The following VPS54 variants were observed in gnomAD, a reference collection of about 807,000 sequenced individuals.
VPS54 encodes vacuolar protein sorting-associated protein 54.
A neutral mutation model predicts 121.5 loss-of-function variants in VPS54; 45 were observed. That is an observed-to-expected ratio of 0.37 (90% CI 0.29 to 0.47). The LOEUF (loss-of-function observed/expected upper bound fraction) is 0.47, where lower values mean the gene tolerates loss of function less well. Ranked by LOEUF, VPS54 falls within the 20% of genes least tolerant of loss-of-function variation. The probability of loss-of-function intolerance (pLI) is 0.99; values close to 1 mark genes in which losing one functional copy is unlikely to be tolerated. For missense variants in VPS54, 1,090 were observed against 1,131.4 expected (o/e 0.96, Z 0.52); for synonymous variants, 371 against 385.8 (o/e 0.96, Z 0.45).
At chr2:63,970,940 C>T (rs1031466679) in intron 4 of VPS54, among the ~76,000 whole-genome samples, 3 of 152,212 alleles carry the variant, frequency 2.0e-5, no homozygotes, top group African/African-American at 7.2e-5. Flanking sequence ...CATCTTCAGC[C>T]TAAATCTTCA....
chr2:63,960,054 G>A (rs1032221076), intron 7 of VPS54, among the ~76,000 whole-genome samples: 2 of 151,700 alleles, frequency 1.3e-5, no homozygotes, highest in African/African-American at 4.8e-5. Flanking sequence ...AAAATTAGCT[G>A]GGCATGGTGG....
rs911953338 is a variant in VPS54, at chr2:64,013,631, T to C, written c.-21+5307A>G. Among the ~76,000 whole-genome samples, 12 of 145,900 alleles carry C rather than the reference T, an allele frequency of 8.2e-5. No individual in the cohort carries two copies. In the Admixed American group the frequency reaches 8.3e-4, roughly 10 times the overall value. On this transcript the variant is annotated intron_variant, in intron 1 of 22. Coordinates refer to ENST00000272322, the MANE Select transcript of VPS54 (RefSeq NM_016516.3). ...TATGATATATATCAGCATTTATATA[T>C]AAATATATATCAATATATAGATATA...
chr2:63,900,491 A>G (rs185665017), intron 20 of VPS54, among the ~76,000 whole-genome samples: 1 of 152,348 alleles, frequency 6.6e-6, no homozygotes, highest in East Asian at 1.9e-4. Flanking sequence ...GAATTCACAC[A>G]GCTGAAGTTA....
chr2:63,994,519 G>A (rs995898039), intron 1 of VPS54, among the ~76,000 whole-genome samples: 4 of 152,194 alleles, frequency 2.6e-5, no homozygotes, highest in African/African-American at 7.2e-5. Flanking sequence ...TCAGGAAAAG[G>A]CGGCACTGCA....
chr2:64,017,184 T>G (rs1678743556), intron 1 of VPS54, among the ~76,000 whole-genome samples: 2 of 151,290 alleles, frequency 1.3e-5, no homozygotes, highest in African/African-American at 4.8e-5. Flanking sequence ...CTACTAAAAA[T>G]ACAAAAATCA....
chr2:64,004,117 T>A (rs140048666), intron 1 of VPS54, among the ~76,000 whole-genome samples: 166 of 152,096 alleles, frequency 1.1e-3, no homozygotes, highest in Middle Eastern at 0.01. Context: ...CATATTTTTT[T>A]AAAAGTAATA....
chr2:63,921,292 G>A lies in VPS54; in HGVS notation c.1783C>T (p.Leu595=). The A allele has an allele frequency of 6.2e-7, 1 of 1,613,102 alleles. No individual in the cohort carries two copies. Among genetic ancestry groups the A allele is most frequent in the Non-Finnish European group, 8.5e-7 (1 of 1,179,454 alleles). The change falls in exon 13 of 23, where the codon CTG becomes TTG. Residue 595 remains leucine (L), a synonymous_variant. Transcript: ENST00000272322. ...MKLTDSELGK[L]ANNIQELLYS... ...AATAATTCCTGGATATTATTTGCCA[G>A]CTTTCCTAGCTCTGAGTCAGTTAAT... is the stretch of plus-strand genomic sequence containing the variant.
At chr2:63,967,401 A>G (rs998002575) in intron 5 of VPS54, among the ~76,000 whole-genome samples, 3 of 152,112 alleles carry the variant, frequency 2.0e-5, no homozygotes, top group Non-Finnish European at 4.4e-5. Flanking sequence ...ATGAAGCTTC[A>G]ATCCAAGGGA....
Position 63,949,165 on chromosome 2 carries a change from TA to T in VPS54, c.1011-3del. The T allele has an allele frequency of 6.2e-7, 1 of 1,602,464 alleles. No homozygotes were observed. On this transcript the variant is annotated splice_region_variant and splice_polypyrimidine_tract_variant and intron_variant, in intron 7 of 22. Transcript: ENST00000272322. The stretch of plus-strand genomic sequence containing the variant: ...TCACAAAGCTGTGATCCCAAATGCC[TA>T]AAAAGGAAGAGAAAAATGTTATATT...
At chr2:63,941,150 AAT>A (rs759970181) in intron 11 of VPS54, among the ~76,000 whole-genome samples, 16 of 152,220 alleles carry the variant, frequency 1.1e-4, no homozygotes, top group Non-Finnish European at 2.1e-4. Context: ...TAACTCAAAA[AAT>A]ATCTAATTTC....
At chr2:63,916,850 T>A in intron 16 of VPS54, 50 bp downstream of exon 16, 1 of 1,568,644 alleles carries the variant, frequency 6.4e-7, no homozygotes, top group Non-Finnish European at 8.8e-7. Context: ...ACTAGAAGAC[T>A]TGTGTTTTAA....
rs56820620 is a variant in VPS54, at chr2:63,967,718, C to CAAAAAAA, written c.492+1232_492+1238dup. Among the ~76,000 whole-genome samples the CAAAAAAA allele has an allele frequency of 1.1e-4, 6 of 52,992 alleles. 1 individual carries two copies. Among genetic ancestry groups the CAAAAAAA allele is most frequent in the African/African-American group, 2.4e-4 (3 of 12,532 alleles). The allele number at this position is 52,992 out of a possible 152,430, so 34.8% of individuals were successfully genotyped here. A position where few individuals can be genotyped will look rare whatever the true frequency, so the allele number is the denominator to read the frequency against. The stretch of plus-strand genomic sequence containing the variant: ...TGGGCGACAGAGAGAGACTCTGCCT[C>CAAAAAAA]AAAAAAAAAAAAAAAAATCTTATAA... On this transcript the variant is annotated intron_variant, in intron 5 of 22. Coordinates refer to ENST00000272322, the MANE Select transcript of VPS54 (RefSeq NM_016516.3).
chr2:63,970,527 T>C (rs779475620), intron 4 of VPS54, among the ~76,000 whole-genome samples: 1 of 152,006 alleles, frequency 6.6e-6, no homozygotes, highest in Non-Finnish European at 1.5e-5. Flanking sequence ...CACTCCTTAA[T>C]ATATAGTATT....
At chr2:63,970,212 T>C (rs12996698) in intron 4 of VPS54, among the ~76,000 whole-genome samples, 35,733 of 113,448 alleles carry the variant, frequency 0.31, 5,624 homozygotes, top group Admixed American at 0.34. Flanking sequence ...AATATATATA[T>C]ACACACACAC....
chr2:63,929,352 T>C (rs1196987390), intron 12 of VPS54, among the ~76,000 whole-genome samples: 1 of 152,086 alleles, frequency 6.6e-6, no homozygotes, highest in East Asian at 1.9e-4. Context: ...GAACTCAGGA[T>C]TAAGAATCTC....
intron 11 of VPS54, among the ~76,000 whole-genome samples, chr2:63,938,037 CGTGTGTGTGTGTGGTGTGTGTGGTGTGT>C (rs1674533131): frequency 1.0e-5 from 1 of 97,724 alleles, no homozygotes; most frequent in Non-Finnish European, 2.3e-5. Flanking sequence ...AAAGTGGAAA[CGTGTGTGTGTGTGGTGTGTGTGGTGTGT>C]GTGTGTGTGT....
intron 6 of VPS54, among the ~76,000 whole-genome samples, chr2:63,964,260 A>T (rs1269054832): frequency 1.3e-5 from 2 of 152,196 alleles, no homozygotes; most frequent in African/African-American, 4.8e-5. Flanking sequence ...AATAAAAAAA[A>T]TTTCCATTAT....
chr2:63,980,469 C>A (rs954909839), intron 3 of VPS54, among the ~76,000 whole-genome samples: 3 of 152,014 alleles, frequency 2.0e-5, no homozygotes, highest in African/African-American at 7.2e-5. Context: ...AGATTATCAT[C>A]TTGAAATTTA....
chr2:63,976,825 C>CTTTTTTTTTTTTTTTTTTTTT (rs1174931536), intron 3 of VPS54, among the ~76,000 whole-genome samples: 1 of 89,680 alleles, frequency 1.1e-5, no homozygotes, highest in African/African-American at 4.1e-5. Context: ...TATATCTTCT[C>CTTTTTTTTTTTTTTTTTTTTT]TTTTTTTTTT....
Sources: allele counts gnomAD v4.1 joint callset (sites outside exome capture counted in the v4.1 genomes callset), GRCh38; gene constraint gnomAD v4.1.1; transcripts MANE v1.5; gene names NCBI Gene and HGNC (gene_info 2026-07-23, HGNC 2026-07-21).